The following TAPT1 variants were observed in gnomAD, a reference collection of about 807,000 sequenced individuals.
The protein encoded by TAPT1 is transmembrane anterior posterior transformation 1, also known as transmembrane anterior posterior transformation protein 1 homolog.
TAPT1 carries 28 observed loss-of-function variants against 65.6 expected under a neutral mutation model. The observed-to-expected ratio is 0.43, with a 90% CI of 0.32 to 0.59. The LOEUF (loss-of-function observed/expected upper bound fraction) is 0.59, where lower values mean the gene tolerates loss of function less well. Ranked by LOEUF, TAPT1 falls within the 20% of genes least tolerant of loss-of-function variation. TAPT1 has a pLI of 0.09. For missense variants in TAPT1, 563 were observed against 679.9 expected (o/e 0.83, Z 1.91); for synonymous variants, 278 against 245.2 (o/e 1.13, Z -1.25).
At chr4:16,214,244 A>G (rs1156780012) in intron 1 of TAPT1, among the ~76,000 whole-genome samples, 1 of 152,204 alleles carries the variant, frequency 6.6e-6, no homozygotes, top group Non-Finnish European at 1.5e-5. Flanking sequence ...TCAAGAATAT[A>G]TAAAATAGAG....
At chr4:16,179,129 T>C (rs1489172609) in intron 8 of TAPT1, 3 of 153,036 alleles carry the variant, frequency 2.0e-5, no homozygotes, top group East Asian at 1.9e-4. Context: ...AGAAATGTGT[T>C]GCTAGCCAAT....
chr4:16,173,521 C>T (rs1367041341), intron 11 of TAPT1, among the ~76,000 whole-genome samples: 2 of 151,614 alleles, frequency 1.3e-5, no homozygotes, highest in African/African-American at 4.8e-5. Flanking sequence ...CAGGTTCACG[C>T]CATTCTCCTG....
At chr4:16,163,572 A>G in intron 13 of TAPT1, 35 bp from the exon 14 acceptor site, 2 of 1,480,298 alleles carry the variant, frequency 1.4e-6, no homozygotes, top group Non-Finnish European at 1.9e-6. Flanking sequence ...TTAGAGAAAG[A>G]CTTTTCTCCA....
At chr4:16,188,869 G>T (rs1427524460) in intron 4 of TAPT1, among the ~76,000 whole-genome samples, 1 of 151,104 alleles carries the variant, frequency 6.6e-6, no homozygotes, top group Non-Finnish European at 1.5e-5. Flanking sequence ...GCAGTGAGCC[G>T]AGATTGCGCC....
upstream of TAPT1, chr4:16,227,386 C>T: frequency 2.2e-6 from 1 of 446,200 alleles, no homozygotes; most frequent in Non-Finnish European, 4.6e-6. Flanking sequence ...GTGTCGAGAC[C>T]ACCACCAGCT....
intron 9 of TAPT1, 106 bp downstream of exon 9, chr4:16,176,013 C>T: frequency 1.8e-6 from 1 of 547,702 alleles, no homozygotes; most frequent in South Asian, 2.8e-5. Context: ...CTTAAAATTA[C>T]AATTCTGACC....
rs760000737 is a variant in TAPT1, at chr4:16,161,249, C to T, written c.*2059G>A. 1 of 152,560 alleles carries T rather than the reference C, an allele frequency of 6.6e-6. No individual in the cohort carries two copies. Among genetic ancestry groups the T allele is most frequent in the Non-Finnish European group, 1.5e-5 (1 of 68,032 alleles). The allele number at this position is 152,560 out of a possible 1,614,324, so 9.5% of individuals were successfully genotyped here. ...CTTATTATACAGTGGGAAATTCACT[C>T]TACCAAATACAATAGTAAATATTAA... is the stretch of plus-strand genomic sequence containing the variant. On this transcript the variant is annotated 3_prime_UTR_variant, in exon 14 of 14. Transcript: ENST00000405303.
At chr4:16,171,934 G>A (rs1039692995) in intron 11 of TAPT1, among the ~76,000 whole-genome samples, 2 of 151,674 alleles carry the variant, frequency 1.3e-5, no homozygotes, top group East Asian at 1.9e-4. Flanking sequence ...CCAATGTAAC[G>A]CTTAGAAGAA....
intron 12 of TAPT1, among the ~76,000 whole-genome samples, chr4:16,169,672 G>A (rs937724727): frequency 6.6e-6 from 1 of 152,248 alleles, no homozygotes; most frequent in African/African-American, 2.4e-5. Context: ...GCCCGCTACT[G>A]CAGGAGCTGG....
At chr4:16,164,294 C>T (rs1747436454) in intron 13 of TAPT1, among the ~76,000 whole-genome samples, 1 of 152,172 alleles carries the variant, frequency 6.6e-6, no homozygotes, top group Non-Finnish European at 1.5e-5. Context: ...TCCCTCTCTC[C>T]TGCCCTCACC....
chr4:16,218,549 T>C (rs949009243), intron 1 of TAPT1, among the ~76,000 whole-genome samples: 3 of 152,228 alleles, frequency 2.0e-5, no homozygotes, highest in Admixed American at 6.5e-5. Context: ...GCTGTCCTGG[T>C]ACCAGCTGTC....
intron 2 of TAPT1, among the ~76,000 whole-genome samples, chr4:16,206,814 A>T (rs887044752): frequency 2.6e-5 from 4 of 152,226 alleles, no homozygotes; most frequent in African/African-American, 9.6e-5. Context: ...CCATGGTGCC[A>T]AGTTCAAAAA....
intron 7 of TAPT1, 65 bp from the exon 8 acceptor site, chr4:16,179,722 T>C: frequency 1.3e-6 from 1 of 789,108 alleles, no homozygotes; most frequent in Non-Finnish European, 1.9e-6. Context: ...AGTACATATA[T>C]AATTATTTTA....
At chr4:16,180,239 G>A (rs1349251557) in intron 7 of TAPT1, among the ~76,000 whole-genome samples, 2 of 152,128 alleles carry the variant, frequency 1.3e-5, no homozygotes, top group Non-Finnish European at 2.9e-5. Context: ...TAATAACTGT[G>A]TGCTGAGATT....
intron 13 of TAPT1, among the ~76,000 whole-genome samples, chr4:16,165,700 A>G (rs1317483440): frequency 1.3e-5 from 2 of 152,160 alleles, no homozygotes; most frequent in Non-Finnish European, 2.9e-5. Flanking sequence ...CTTCCAACCC[A>G]GAAACCCTGG....
At chr4:16,213,447 T>C (rs1245971132) in intron 2 of TAPT1, among the ~76,000 whole-genome samples, 1 of 152,190 alleles carries the variant, frequency 6.6e-6, no homozygotes, top group Non-Finnish European at 1.5e-5. Flanking sequence ...AACCTGTTTC[T>C]AGTAAAAGAG....
intron 1 of TAPT1, among the ~76,000 whole-genome samples, chr4:16,225,382 A>G (rs1751490741): frequency 6.6e-6 from 1 of 152,238 alleles, no homozygotes; most frequent in Non-Finnish European, 1.5e-5. Flanking sequence ...GGACAACAGA[A>G]GTAATTTTTT....
chr4:16,201,555 T>C (rs2149702820), intron 3 of TAPT1, among the ~76,000 whole-genome samples: 1 of 152,282 alleles, frequency 6.6e-6, no homozygotes, highest in South Asian at 2.1e-4. Flanking sequence ...AGTGACTATA[T>C]ACAGAGTGGA....
At chr4:16,176,387 C>G (rs1017314003) in intron 8 of TAPT1, 159 bp from the exon 9 acceptor site, 1 of 485,356 alleles carries the variant, frequency 2.1e-6, no homozygotes, top group Non-Finnish European at 3.6e-6. Context: ...AAGAGCTATA[C>G]TGTATCAAGT....
Sources: gnomAD v4.1 joint callset for allele counts (sites outside exome capture counted in the v4.1 genomes callset) on GRCh38, gnomAD v4.1.1 for gene constraint, MANE v1.5 for transcripts, NCBI Gene and HGNC (gene_info 2026-07-23, HGNC 2026-07-21) for gene names.